The following PREX2 variants were observed in gnomAD, a reference collection of about 807,000 sequenced individuals.
The protein encoded by PREX2 is phosphatidylinositol 3,4,5-trisphosphate-dependent Rac exchanger 2 protein.
In PREX2, 107 loss-of-function variants were observed where a neutral mutation model predicts 203.2. The ratio of observed to expected loss-of-function variants is 0.53; its 90% CI spans 0.45 to 0.62. The LOEUF (loss-of-function observed/expected upper bound fraction) is 0.62. PREX2 is among the 20% of genes least tolerant of loss of function. PREX2 has a pLI of 0.00. For synonymous variants in PREX2, 672 were observed against 663.6 expected, an observed-to-expected ratio of 1.01 and a Z score of -0.19; for missense variants, 1,777 against 1,955.9, an observed-to-expected ratio of 0.91 and a Z score of 1.72.
intron 35 of PREX2, among the ~76,000 whole-genome samples, chr8:68,170,592 A>G (rs941915380): frequency 6.6e-6 from 1 of 152,212 alleles, no homozygotes; most frequent in Admixed American, 6.5e-5. Context: ...TTTCCACAAT[A>G]TAACCTCCTC....
chr8:68,060,691 A>C lies in PREX2; in HGVS notation c.1251A>C (p.Ser417=). 1 of 1,610,746 alleles carries C rather than the reference A, an allele frequency of 6.2e-7. No individual in the cohort carries two copies. ...PKCFLGSEFV[S]WLLEIGEIHR... ...CTTTCTCTTGCAGCGAATTTGTGTC[A>C]TGGCTGTTGGAAATTGGAGAGATTC... Residue 417 remains serine (S), a synonymous_variant, in exon 11 of 40, where the codon TCA becomes TCC. Coordinates refer to ENST00000288368, the MANE Select transcript of PREX2 (RefSeq NM_024870.4).
At chr8:68,117,802 CA>C (rs1345122016) in intron 26 of PREX2, among the ~76,000 whole-genome samples, 2 of 152,124 alleles carry the variant, frequency 1.3e-5, no homozygotes, top group Non-Finnish European at 2.9e-5. Flanking sequence ...TGGAGACAGA[CA>C]AGTTTCCTGT....
intron 8 of PREX2, among the ~76,000 whole-genome samples, chr8:68,048,720 C>A (rs1288455316): frequency 6.6e-6 from 1 of 151,916 alleles, no homozygotes; most frequent in Non-Finnish European, 1.5e-5. Flanking sequence ...CTGCAATTTT[C>A]CTTTTAATGC....
intron 1 of PREX2, among the ~76,000 whole-genome samples, chr8:67,981,074 G>A (rs1333269130): frequency 6.6e-6 from 1 of 152,170 alleles, no homozygotes; most frequent in African/African-American, 2.4e-5. Flanking sequence ...ATTTTTGATA[G>A]GAAGTGTAAT....
chr8:68,057,062 T>C (rs1034417709), intron 10 of PREX2, among the ~76,000 whole-genome samples: 1 of 152,144 alleles, frequency 6.6e-6, no homozygotes, highest in African/African-American at 2.4e-5. Flanking sequence ...ATCCAAATTG[T>C]AATCCCCACG....
At chr8:68,038,689 T>A (rs531727977) in intron 7 of PREX2, among the ~76,000 whole-genome samples, 139 of 152,184 alleles carry the variant, frequency 9.1e-4, no homozygotes, top group Non-Finnish European at 1.7e-3. Context: ...ATGCCATGAG[T>A]CTTTCCTCTC....
intron 11 of PREX2, among the ~76,000 whole-genome samples, chr8:68,067,700 T>C (rs1363624878): frequency 6.6e-6 from 1 of 152,082 alleles, no homozygotes; most frequent in African/African-American, 2.4e-5. Context: ...TCCAATTGAA[T>C]GTCTTTTATT....
At chr8:68,195,589 C>T (rs990528036) in intron 37 of PREX2, among the ~76,000 whole-genome samples, 1 of 152,116 alleles carries the variant, frequency 6.6e-6, no homozygotes, top group Non-Finnish European at 1.5e-5. Flanking sequence ...CTAAAATAGT[C>T]CTTTAGTAAT....
chr8:68,085,016 C>A (rs1408241360), intron 18 of PREX2, among the ~76,000 whole-genome samples: 2 of 152,136 alleles, frequency 1.3e-5, no homozygotes, highest in African/African-American at 2.4e-5. Context: ...CAATCTGTGT[C>A]TTCTGACTCT....
At chr8:68,091,889 A>C (rs969764620) in intron 20 of PREX2, among the ~76,000 whole-genome samples, 3 of 152,214 alleles carry the variant, frequency 2.0e-5, no homozygotes, top group African/African-American at 7.2e-5. Flanking sequence ...AAAATCCACT[A>C]ACATGCTCTA....
At position 68,108,204 on chromosome 8, in the gene PREX2, C is replaced by T. The variant is rs2129612794; in HGVS notation, c.2811C>T (p.Asn937=). 1 of 1,613,986 alleles carries T rather than the reference C, an allele frequency of 6.2e-7. No homozygotes were observed. The highest frequency in any genetic ancestry group is 8.5e-7 in the Non-Finnish European group (1 of 1,179,892). Residue 937 remains asparagine, a synonymous_variant, in exon 24 of 40, where the codon AAC becomes AAT. Coordinates refer to ENST00000288368, the MANE Select transcript of PREX2 (RefSeq NM_024870.4). ...ACAGCAGTGATTTCTGCCCTACCAA[C>T]TGCCATGTCAATGTGATGGAAGTTT... is the stretch of plus-strand genomic sequence containing the variant. ...PLHSSDFCPT[N]CHVNVMEVSY...
At chr8:68,045,855 T>C (rs533373515) in intron 8 of PREX2, among the ~76,000 whole-genome samples, 1 of 152,238 alleles carries the variant, frequency 6.6e-6, no homozygotes, top group East Asian at 1.9e-4. Flanking sequence ...GATGTACACA[T>C]TATTTTTTAC....
chr8:68,122,223 C>G (rs930413910), intron 30 of PREX2, among the ~76,000 whole-genome samples: 1 of 152,036 alleles, frequency 6.6e-6, no homozygotes, highest in East Asian at 1.9e-4. Context: ...AATATAACAA[C>G]TTATGTTTAG....
chr8:68,134,014 C>T (rs368564219), intron 31 of PREX2, 45 bp from the exon 32 acceptor site: 61 of 1,507,460 alleles, frequency 4.0e-5, no homozygotes, highest in Non-Finnish European at 5.3e-5. Flanking sequence ...TTTTCACCAT[C>T]TGCAACATTT....
chr8:68,033,088 C>G (rs1443017670), intron 6 of PREX2, among the ~76,000 whole-genome samples: 1 of 152,112 alleles, frequency 6.6e-6, no homozygotes, highest in Admixed American at 6.6e-5. Context: ...CACTGTTAAT[C>G]AAATGAAAGC....
At chr8:67,993,082 T>C (rs1360778312) in intron 1 of PREX2, among the ~76,000 whole-genome samples, 1 of 152,214 alleles carries the variant, frequency 6.6e-6, no homozygotes, top group African/African-American at 2.4e-5. Flanking sequence ...ATTTTTTAAA[T>C]GAGGAAGAAA....
chr8:68,215,631 T>C (rs1812820421), intron 37 of PREX2, among the ~76,000 whole-genome samples: 1 of 152,000 alleles, frequency 6.6e-6, no homozygotes, highest in Admixed American at 6.6e-5. Flanking sequence ...GCCTCCTGAG[T>C]TCACGCCCTT....
chr8:68,125,393 C>A (rs1340769687), intron 30 of PREX2, among the ~76,000 whole-genome samples: 4 of 152,056 alleles, frequency 2.6e-5, no homozygotes, highest in Non-Finnish European at 5.9e-5. Context: ...TTTCAAAATA[C>A]CCCATCTGTT....
chr8:68,134,732 A>G (rs1027712947), intron 32 of PREX2, among the ~76,000 whole-genome samples: 5 of 152,220 alleles, frequency 3.3e-5, no homozygotes, highest in Non-Finnish European at 5.9e-5. Flanking sequence ...TAAAATTTGC[A>G]TATGTTAAAT....
Sources: gnomAD v4.1 joint callset for allele counts (sites outside exome capture counted in the v4.1 genomes callset) on GRCh38, gnomAD v4.1.1 for gene constraint, MANE v1.5 for transcripts, NCBI Gene and HGNC (gene_info 2026-07-23, HGNC 2026-07-21) for gene names.